Variants in MTERF1 observed in about 807,000 individuals in gnomAD.
The protein encoded by MTERF1 is transcription termination factor 1, mitochondrial.
A neutral mutation model predicts 31.6 loss-of-function variants in MTERF1; 29 were observed. The observed-to-expected ratio is 0.92, with a 90% CI of 0.68 to 1.25. The LOEUF (loss-of-function observed/expected upper bound fraction) is 1.25, where lower values mean the gene tolerates loss of function less well. MTERF1 is among the 50% of genes most tolerant of loss of function. The probability of loss-of-function intolerance (pLI) is 0.00; values close to 1 mark genes in which losing one functional copy is unlikely to be tolerated. For missense variants in MTERF1, 500 were observed against 469.1 expected (o/e 1.07, Z -0.61); for synonymous variants, 152 against 164.1 (o/e 0.93, Z 0.57).
At chr7:91,878,289 G>C (rs937273825) in intron 2 of MTERF1, among the ~76,000 whole-genome samples, 4 of 151,976 alleles carry the variant, frequency 2.6e-5, no homozygotes, top group Non-Finnish European at 4.4e-5. Flanking sequence ...GACATGTGTG[G>C]TCTCAGCTAA....
At chr7:91,874,953 T>G (rs1016049334) in intron 2 of MTERF1, among the ~76,000 whole-genome samples, 189 bp from the exon 3 acceptor site, 4 of 152,176 alleles carry the variant, frequency 2.6e-5, no homozygotes, top group Admixed American at 2.0e-4. Flanking sequence ...CAATTTATAT[T>G]TGTCTTAGCC....
chr7:91,878,871 G>A (rs1432862108), intron 2 of MTERF1, among the ~76,000 whole-genome samples: 7 of 152,036 alleles, frequency 4.6e-5, no homozygotes, highest in African/African-American at 1.2e-4. Flanking sequence ...TTATGAAAAA[G>A]GATGACTAGG....
Position 91,874,658 on chromosome 7 carries a change from C to T in MTERF1, c.136G>A (p.Ala46Thr). The change falls in exon 3 of 3, where the codon GCA (alanine) becomes ACA (threonine). Residue 46 changes from alanine to threonine, a missense_variant. By Grantham distance (58) the Ala-to-Thr change is moderately conservative (BLOSUM62 0). Coordinates refer to ENST00000351870, the MANE Select transcript of MTERF1 (RefSeq NM_006980.5). ...GSRCWMTRFS[A>T]ENIFKSVSFR... ...GAAACTGATTTGAAGATGTTTTCTG[C>T]TGAAAATCGAGTCATCCAACATCTT... 6.2e-7 allele frequency: 1 copy of T among 1,614,088 alleles called. No homozygotes were observed. Among genetic ancestry groups the T allele is most frequent in the Non-Finnish European group, 8.5e-7 (1 of 1,180,010 alleles).
Position 91,873,994 on chromosome 7 carries a change from C to T in MTERF1, c.800G>A (p.Ser267Asn), listed in dbSNP as rs1789258241. The T allele has an allele frequency of 6.2e-7, 1 of 1,614,092 alleles. No homozygotes were observed. Among genetic ancestry groups the T allele is most frequent in the Non-Finnish European group, 8.5e-7 (1 of 1,180,026 alleles). The change falls in exon 3 of 3, where the codon AGT (serine) becomes AAT (asparagine). Residue 267 changes from serine to asparagine, a missense_variant. Ser to Asn is a conservative substitution (Grantham distance 46). Transcript: ENST00000351870. ...EFLRSTFNLN[S>N]EELLVLICGP... ...ACATATCAGAACCAGCAGTTCCTCA[C>T]TGTTCAAATTGAAAGTTGACCGTAA...
rs1584461178 is a variant in MTERF1 at position 91,874,089 on chromosome 7, T to C, written c.705A>G (p.Arg235=). The C allele has an allele frequency of 1.9e-6, 3 of 1,614,166 alleles. No homozygotes were observed. Among genetic ancestry groups the C allele is most frequent in the African/African-American group, 2.7e-5 (2 of 75,048 alleles). ...TAAAAGGGTTTTTAAAAATTATCTT[T>C]CTGACAAAATCTGCGGGATCATTGT... ...LGHNDPADFV[R]KIIFKNPFIL... The change falls in exon 3 of 3, where the codon AGA becomes AGG. Residue 235 remains arginine, a synonymous_variant. Coordinates refer to ENST00000351870, the MANE Select transcript of MTERF1 (RefSeq NM_006980.5).
In MTERF1 at chr7:91,874,447, G is replaced by T. The variant is rs891855672; in HGVS notation, c.347C>A (p.Ala116Asp). Residue 116 changes from alanine to aspartate, a missense_variant, in exon 3 of 3, where the codon GCT becomes GAT. Ala to Asp is a moderately radical substitution (Grantham distance 126). Coordinates refer to ENST00000351870, the MANE Select transcript of MTERF1 (RefSeq NM_006980.5). ...DLKMFLLSKG[A>D]SKEVIASIIS... ...GATGCTAGCGATCACTTCTTTGCTAGCTCCTTTGGAAAGAAGGAACATCTT... is the reference window on the plus strand; with the variant it reads ...GATGCTAGCGATCACTTCTTTGCTATCTCCTTTGGAAAGAAGGAACATCTT... 3.1e-6 allele frequency: 5 copies of T among 1,613,894 alleles called. No homozygotes were observed. Among genetic ancestry groups the T allele is most frequent in the Non-Finnish European group, 4.2e-6 (5 of 1,180,000 alleles).
In MTERF1 at chr7:91,880,046, A is replaced by G. The variant is rs764116486; in HGVS notation, c.29+9T>C. 1.9e-6 allele frequency: 3 copies of G among 1,613,866 alleles called. No homozygotes were observed. The African/African-American group carries it at 4.0e-5, about 22-fold the overall frequency. ...GCTAAGTTTGGAGATCTTTACATGC[A>G]TTTCTCACCTTGTTTGTCCTAAGGA... On this transcript the variant is annotated intron_variant, in intron 2 of 2. Transcript: ENST00000351870.
intron 2 of MTERF1, among the ~76,000 whole-genome samples, chr7:91,879,736 G>A (rs1327857404): frequency 6.6e-6 from 1 of 152,046 alleles, no homozygotes; most frequent in Non-Finnish European, 1.5e-5. Flanking sequence ...AAGAAAGTTA[G>A]CAACTTTCCT....
chr7:91,874,152 C>T lies in MTERF1; in HGVS notation c.642G>A (p.Met214Ile). 1 of 1,614,106 alleles carries T rather than the reference C, an allele frequency of 6.2e-7. No individual in the cohort carries two copies. Among genetic ancestry groups the T allele is most frequent in the Non-Finnish European group, 8.5e-7 (1 of 1,180,008 alleles). Residue 214 changes from methionine (M) to isoleucine (I), a missense_variant, in exon 3 of 3, where the codon ATG becomes ATA. Coordinates refer to ENST00000351870, the MANE Select transcript of MTERF1 (RefSeq NM_006980.5). ...AACCGGCTGCCTGCAAAAATTCAAC[C>T]ATCTGTTTATTCAGATCAAGACTAT... ...FSNSLDLNKQ[M>I]VEFLQAAGLS... is the part of the protein sequence containing the mutation.
chr7:91,873,657 A>G lies in MTERF1; in HGVS notation c.1137T>C (p.Thr379=), dbSNP rs976634087. The change falls in exon 3 of 3, where the codon ACT becomes ACC. Residue 379 remains threonine (T), a synonymous_variant. Transcript: ENST00000351870. ...AGCNLSTLNI[T]LLSWSKKRYE... is the part of the protein sequence containing the mutation. ...ATCTTTTTTTACTCCAAGATAGAAG[A>G]GTGATGTTTAAAGTACTCAAGTTAC... 2 of 1,613,732 alleles carry G rather than the reference A, an allele frequency of 1.2e-6. No homozygotes were observed. Among genetic ancestry groups the G allele is most frequent in the Admixed American group, 3.3e-5 (2 of 59,956 alleles).
In MTERF1 at chr7:91,880,093, A is replaced by G. The variant is rs1272452190; in HGVS notation, c.-10T>C. On this transcript the variant is annotated 5_prime_UTR_variant, in exon 2 of 3. Coordinates refer to ENST00000351870, the MANE Select transcript of MTERF1 (RefSeq NM_006980.5). The stretch of plus-strand genomic sequence containing the variant: ...AGGAAAGGCTCTGCATCCCTCCAGA[A>G]AGGCTGGAGAACAGCTATCTCTGGA... The G allele has an allele frequency of 6.2e-7, 1 of 1,613,912 alleles. No individual in the cohort carries two copies. The highest frequency in any genetic ancestry group is 8.5e-7 in the Non-Finnish European group (1 of 1,179,958).
At chr7:91,879,997 G>C in intron 2 of MTERF1, 58 bp downstream of exon 2, 1 of 1,593,420 alleles carries the variant, frequency 6.3e-7, no homozygotes, top group South Asian at 1.1e-5. Flanking sequence ...CCACATTCCA[G>C]CTGGTCTTCT....
intron 2 of MTERF1, chr7:91,876,976 T>G: frequency 1.0e-6 from 1 of 979,280 alleles, no homozygotes. Flanking sequence ...AGATCAGTAC[T>G]TTCTAGAGAG....
At chr7:91,877,383 CTT>C (rs151239282) in intron 2 of MTERF1, among the ~76,000 whole-genome samples, 1,664 of 152,314 alleles carry the variant, frequency 0.011, 41 homozygotes, top group African/African-American at 0.038. Flanking sequence ...AATTTCATGT[CTT>C]GTGTATAACT....
Position 91,873,478 on chromosome 7 carries a change from T to A in MTERF1, c.*116A>T. The A allele has an allele frequency of 1.1e-6, 1 of 893,910 alleles. No individual in the cohort carries two copies. The highest frequency in any genetic ancestry group is 1.7e-6 in the Non-Finnish European group (1 of 603,794). The allele number at this position is 893,910 out of a possible 1,614,324, so 55.4% of individuals were successfully genotyped here. ...TTAGGCCCTCCAAAGTAATTCAGGA[T>A]AATCTCCCCATCTCAAGGCCCTTAA... On this transcript the variant is annotated 3_prime_UTR_variant, in exon 3 of 3. Transcript: ENST00000351870.
Position 91,871,342 on chromosome 7 carries a change from A to G in MTERF1, c.*2252T>C, listed in dbSNP as rs887771509. 2.0e-5 allele frequency: 3 copies of G among 152,192 alleles called. No homozygotes were observed. The highest frequency in any genetic ancestry group is 7.2e-5 in the African/African-American group (3 of 41,440). The allele number at this position is 152,192 out of a possible 1,614,324, so 9.4% of individuals were successfully genotyped here. A position where few individuals can be genotyped will look rare whatever the true frequency, so the allele number is the denominator to read the frequency against. On this transcript the variant is annotated 3_prime_UTR_variant, in exon 3 of 3. Transcript: ENST00000351870. ...ACAATCCTATGATCTGCTGATGTCA[A>G]TAAACTATTATCTCTTCTACCCACC...
At position 91,873,952 on chromosome 7, in the gene MTERF1, ATT is replaced by A. The variant is rs1172559655; in HGVS notation, c.840_841del (p.Glu280AspfsTer7). On this transcript the variant is annotated frameshift_variant, in exon 3 of 3. Transcript: ENST00000351870. LOFTEE classifies it high-confidence loss of function. ...GGCATAGTCATTGGAAAGGTCTAGGATTTCAGCTCCTGGACCACATATCAGAA... is the reference window on the plus strand; with the variant it reads ...GGCATAGTCATTGGAAAGGTCTAGGATCAGCTCCTGGACCACATATCAGAA... 1.2e-6 allele frequency: 2 copies of A among 1,613,910 alleles called. No individual in the cohort carries two copies. Among genetic ancestry groups the A allele is most frequent in the Admixed American group, 3.3e-5 (2 of 59,978 alleles).
At chr7:91,876,201 T>G (rs890174802) in intron 2 of MTERF1, among the ~76,000 whole-genome samples, 1 of 152,230 alleles carries the variant, frequency 6.6e-6, no homozygotes, top group African/African-American at 2.4e-5. Flanking sequence ...CATCTCTATT[T>G]ATAAGAAATA....
At position 91,877,647 on chromosome 7, in the gene MTERF1, C is replaced by T. The variant is rs1437864610; in HGVS notation, c.29+2408G>A. On this transcript the variant is annotated intron_variant, in intron 2 of 2. Transcript: ENST00000351870. ...CAACCTCGCTACTCTTTGTAATTCT[C>T]ATTCTGTTACAAGTCTTCATTCTCT... 3.3e-5 allele frequency among the ~76,000 whole-genome samples: 5 copies of T among 152,330 alleles called. No homozygotes were observed. In the South Asian group the frequency reaches 8.3e-4, roughly 25 times the overall value.
Sources: gnomAD v4.1 joint callset for allele counts (sites outside exome capture counted in the v4.1 genomes callset) on GRCh38, gnomAD v4.1.1 for gene constraint, MANE v1.5 for transcripts, NCBI Gene and HGNC (gene_info 2026-07-23, HGNC 2026-07-21) for gene names.